Variants in PDE1A observed in about 807,000 individuals in gnomAD.
PDE1A encodes the protein dual specificity calcium/calmodulin-dependent 3',5'-cyclic nucleotide phosphodiesterase 1A.
In PDE1A, 35 loss-of-function variants were observed where a neutral mutation model predicts 61.7. The observed-to-expected ratio is 0.57, with a 90% CI of 0.43 to 0.75. The LOEUF (loss-of-function observed/expected upper bound fraction) is 0.75, where lower values mean the gene tolerates loss of function less well. PDE1A is among the 30% of genes least tolerant of loss of function. The pLI is 0.00. For synonymous variants in PDE1A, 232 were observed against 213.2 expected (o/e 1.09, Z -0.77); for missense variants, 597 against 630.6 (o/e 0.95, Z 0.57).
At chr2:182,216,098 A>G (rs370721782) in intron 7 of PDE1A, among the ~76,000 whole-genome samples, 125 of 74,056 alleles carry the variant, frequency 1.7e-3, no homozygotes, top group Non-Finnish European at 2.1e-3. Flanking sequence ...CCTGGGATGC[A>G]AGGCTGGTTC....
intron 13 of PDE1A, among the ~76,000 whole-genome samples, chr2:182,172,113 C>T (rs2125328965): frequency 6.6e-6 from 1 of 152,060 alleles, no homozygotes; most frequent in Admixed American, 6.6e-5. Context: ...TGTGATTTAT[C>T]AGATTTTTAA....
the PDE1A span, among the ~76,000 whole-genome samples, chr2:182,566,854 A>G: frequency 6.6e-6 from 1 of 152,206 alleles, no homozygotes; most frequent in African/African-American, 2.4e-5. Context: ...TTAGCTTTGC[A>G]TAACATCTTC....
intron 2 of PDE1A, among the ~76,000 whole-genome samples, chr2:182,243,802 A>G (rs1690742955): frequency 6.6e-6 from 1 of 152,158 alleles, no homozygotes; most frequent in South Asian, 2.1e-4. Context: ...ATTGGTATTG[A>G]GTTGGGTATC....
At chr2:182,571,683 T>C in the PDE1A span, among the ~76,000 whole-genome samples, 1 of 151,802 alleles carries the variant, frequency 6.6e-6, no homozygotes, top group East Asian at 1.9e-4. Flanking sequence ...ATAATAATAA[T>C]AATAATAATG....
At chr2:182,234,386 T>G (rs1021425018) in intron 4 of PDE1A, 46 bp downstream of exon 4, 1 of 1,341,370 alleles carries the variant, frequency 7.5e-7, no homozygotes, top group Non-Finnish European at 1.1e-6. Context: ...TAAGAGAATT[T>G]TTTAAAATGA....
chr2:182,268,418 T>C (rs300886), intron 1 of PDE1A, among the ~76,000 whole-genome samples: 197 of 152,098 alleles, frequency 1.3e-3, no homozygotes, highest in African/African-American at 4.5e-3. Flanking sequence ...TATACATTAG[T>C]TTATATATAC....
the PDE1A span, among the ~76,000 whole-genome samples, chr2:182,590,084 C>G: frequency 6.6e-6 from 1 of 152,116 alleles, no homozygotes; most frequent in Admixed American, 6.6e-5. Context: ...TACATAACTC[C>G]CTCTGTGTGC....
chr2:182,295,169 A>G lies in PDE1A; in HGVS notation c.54-30755T>C, dbSNP rs111677244. Among the ~76,000 whole-genome samples the G allele has an allele frequency of 6.2e-3, 806 of 130,758 alleles. 6 individuals carry two copies. Among genetic ancestry groups the G allele is most frequent in the African/African-American group, 0.022 (741 of 34,398 alleles). 85.8% of individuals were successfully genotyped at this position (130,758 alleles called of 152,430 possible). A position where few individuals can be genotyped will look rare whatever the true frequency, so the allele number is the denominator to read the frequency against. ...GGCTCACTGCAAGCTCTGCCTCCCG[A>G]GTTCACGCCATTCTCCTGCCTCAGC... On this transcript the variant is annotated intron_variant, in intron 1 of 13. Transcript: ENST00000351439.
At chr2:182,585,282 T>G in the PDE1A span, among the ~76,000 whole-genome samples, 63 of 152,336 alleles carry the variant, frequency 4.1e-4, 1 homozygote, top group South Asian at 9.5e-3. Context: ...AAGTATCTCA[T>G]TCAAAAACTA....
At chr2:182,579,492 T>C in the PDE1A span, among the ~76,000 whole-genome samples, 2 of 152,214 alleles carry the variant, frequency 1.3e-5, no homozygotes, top group African/African-American at 2.4e-5. Flanking sequence ...ATCTAAAAAT[T>C]AGCAAGAAAC....
the PDE1A span, among the ~76,000 whole-genome samples, chr2:182,604,341 T>C: frequency 6.6e-6 from 1 of 152,160 alleles, no homozygotes; most frequent in South Asian, 2.1e-4. Context: ...TTTGATACAT[T>C]ACACAAAACA....
At chr2:182,447,332 C>G (rs1014741342) in intron 2 of PDE1A, among the ~76,000 whole-genome samples, 8 of 152,008 alleles carry the variant, frequency 5.3e-5, no homozygotes, top group African/African-American at 1.9e-4. Flanking sequence ...GTATCAGAAT[C>G]TACTGAGAGA....
At chr2:182,388,146 G>T (rs1039837287) in intron 1 of PDE1A, among the ~76,000 whole-genome samples, 2 of 152,116 alleles carry the variant, frequency 1.3e-5, no homozygotes, top group South Asian at 4.1e-4. Flanking sequence ...GTTATAAATA[G>T]ATATGAATAC....
intron 1 of PDE1A, among the ~76,000 whole-genome samples, chr2:182,298,245 C>T (rs1397125269): frequency 1.3e-5 from 2 of 152,192 alleles, no homozygotes; most frequent in East Asian, 1.9e-4. Context: ...TGAAATTGGG[C>T]GGCTGTTGAT....
At chr2:182,352,556 G>A (rs1357036431) in intron 1 of PDE1A, among the ~76,000 whole-genome samples, 1 of 151,066 alleles carries the variant, frequency 6.6e-6, no homozygotes, top group Non-Finnish European at 1.5e-5. Flanking sequence ...AGGGAAGAAA[G>A]AGGAAATAAA....
At chr2:182,354,444 T>C (rs1285291348) in intron 1 of PDE1A, among the ~76,000 whole-genome samples, 1 of 152,124 alleles carries the variant, frequency 6.6e-6, no homozygotes, top group African/African-American at 2.4e-5. Flanking sequence ...TTTTCTGCCT[T>C]AAGGTTGCAT....
chr2:182,500,483 G>A (rs1689021957), intron 2 of PDE1A, among the ~76,000 whole-genome samples: 1 of 55,684 alleles, frequency 1.8e-5, no homozygotes, highest in African/African-American at 5.6e-5. Context: ...TCCAGGAGCT[G>A]AGAAAAGTTT....
At chr2:182,513,378 C>A (rs891508392) in intron 2 of PDE1A, among the ~76,000 whole-genome samples, 6 of 152,154 alleles carry the variant, frequency 3.9e-5, no homozygotes, top group Non-Finnish European at 8.8e-5. Context: ...AAAATAAAAT[C>A]ATTTTCAGAC....
the PDE1A span, among the ~76,000 whole-genome samples, chr2:182,602,171 C>T: frequency 6.6e-6 from 1 of 152,246 alleles, no homozygotes; most frequent in African/African-American, 2.4e-5. Flanking sequence ...CCTATGAAGG[C>T]AGGGGGGCCT....
Sources: gnomAD v4.1 joint callset for allele counts (sites outside exome capture counted in the v4.1 genomes callset) on GRCh38, gnomAD v4.1.1 for gene constraint, MANE v1.5 for transcripts, NCBI Gene and HGNC (gene_info 2026-07-23, HGNC 2026-07-21) for gene names.